SYNE1: variants seen among roughly 807,000 people sequenced by gnomAD.
SYNE1 encodes the protein nesprin-1.
SYNE1 carries 616 observed loss-of-function variants against 1,111.0 expected under a neutral mutation model. The observed-to-expected ratio is 0.55, with a 90% CI of 0.52 to 0.59. SYNE1 has a LOEUF of 0.59. SYNE1 is among the 20% of genes least tolerant of loss of function. The probability of loss-of-function intolerance (pLI) is 0.00; values close to 1 mark genes in which losing one functional copy is unlikely to be tolerated. For missense variants in SYNE1, 10,006 were observed against 10,417.0 expected (o/e 0.96, Z 1.72); for synonymous variants, 3,855 against 3,825.8 (o/e 1.01, Z -0.28).
intron 51 of SYNE1, 91 bp downstream of exon 51, chr6:152,395,425 T>C (rs1288348855): frequency 7.2e-7 from 1 of 1,383,960 alleles, no homozygotes; most frequent in Non-Finnish European, 1.0e-6. Context: ...ACAAACCAAC[T>C]AACTAACCAA....
chr6:152,178,910 CTTTTTTTTTTTT>C (rs750037655), intron 129 of SYNE1, among the ~76,000 whole-genome samples: 2 of 115,566 alleles, frequency 1.7e-5, no homozygotes, highest in South Asian at 2.9e-4. Context: ...TCACCCAATT[CTTTTTTTTTTTT>C]TTTTTTTTTG....
At chr6:152,413,238 T>C in intron 42 of SYNE1, 114 bp downstream of exon 42, 2 of 1,169,198 alleles carry the variant, frequency 1.7e-6, no homozygotes, top group African/African-American at 3.0e-5. Flanking sequence ...ACAGAATATC[T>C]AAAATGGTAA....
At chr6:152,634,696 T>A (rs1355817754) in intron 2 of SYNE1, among the ~76,000 whole-genome samples, 1 of 152,190 alleles carries the variant, frequency 6.6e-6, no homozygotes, top group Non-Finnish European at 1.5e-5. Context: ...AAAGACAAAG[T>A]GTATAGCAGA....
intron 129 of SYNE1, among the ~76,000 whole-genome samples, chr6:152,176,776 T>C (rs1489786242): frequency 6.6e-6 from 1 of 152,082 alleles, no homozygotes; most frequent in Non-Finnish European, 1.5e-5. Flanking sequence ...TATATAGAGG[T>C]TCTCGAAATA....
chr6:152,331,655 C>T lies in SYNE1; in HGVS notation c.13030G>A (p.Glu4344Lys). 6.2e-7 allele frequency: 1 copy of T among 1,614,186 alleles called. No individual in the cohort carries two copies. Among genetic ancestry groups the T allele is most frequent in the Non-Finnish European group, 8.5e-7 (1 of 1,180,042 alleles). The change falls in exon 78 of 146, where the codon GAG becomes AAG. Residue 4344 changes from glutamate (E) to lysine (K), a missense_variant. Coordinates refer to ENST00000367255, the MANE Select transcript of SYNE1 (RefSeq NM_182961.4). The stretch of plus-strand genomic sequence containing the variant: ...CTGGACTGCACCACATTTAACTCCT[C>T]CAAGTTGGTGACTGACACTTGGATT... The part of the protein sequence containing the change: ...RKIQVSVTNL[E>K]ELNVVQSRFQ...
intron 2 of SYNE1, among the ~76,000 whole-genome samples, chr6:152,630,467 A>C (rs2099696185): frequency 6.6e-6 from 1 of 152,210 alleles, no homozygotes; most frequent in Non-Finnish European, 1.5e-5. Context: ...TGTGCCCATT[A>C]GCAGCCTGTA....
chr6:152,588,958 CT>C (rs542555414), intron 3 of SYNE1, among the ~76,000 whole-genome samples: 44 of 149,620 alleles, frequency 2.9e-4, no homozygotes, highest in Admixed American at 2.5e-3. Flanking sequence ...TTCTTTTTCT[CT>C]TTTTTTTTTC....
At chr6:152,192,237 G>A (rs1003663775) in intron 127 of SYNE1, among the ~76,000 whole-genome samples, 5 of 152,242 alleles carry the variant, frequency 3.3e-5, no homozygotes, top group African/African-American at 1.2e-4. Context: ...TTGGATGAAT[G>A]TTCTGTAAAT....
chr6:152,325,188 T>C lies in SYNE1; in HGVS notation c.15553A>G (p.Met5185Val). 3 of 1,614,172 alleles carry C rather than the reference T, an allele frequency of 1.9e-6. No homozygotes were observed. The highest frequency in any genetic ancestry group is 1.1e-5 in the South Asian group (1 of 91,086). ...GTCCAGCGCTGCCAGACGGTGGTCA[T>C]TGACCTGCTCAGGGTGGCTTTGCTG... is the stretch of plus-strand genomic sequence containing the variant. ...DASKATLSRS[M>V]TTVWQRWTRL... Residue 5185 changes from methionine to valine, a missense_variant, in exon 81 of 146, where the codon ATG becomes GTG. Met to Val is a conservative substitution (Grantham distance 21). Transcript: ENST00000367255.
chr6:152,542,967 A>G (rs541953537), intron 3 of SYNE1, among the ~76,000 whole-genome samples: 1 of 152,094 alleles, frequency 6.6e-6, no homozygotes, highest in Non-Finnish European at 1.5e-5. Flanking sequence ...ACAAAATACC[A>G]CTGTTTAAAA....
chr6:152,239,416 C>A, intron 108 of SYNE1, 117 bp downstream of exon 108: 1 of 1,217,300 alleles, frequency 8.2e-7, no homozygotes, highest in Admixed American at 1.8e-5. Context: ...AGCCCGAGAG[C>A]GCAGCTAGTT....
At position 152,590,046 on chromosome 6, in the gene SYNE1, G is replaced by T. The variant is rs541705244; in HGVS notation, c.67+38219C>A. Among the ~76,000 whole-genome samples, 180 of 149,894 alleles carry T rather than the reference G, an allele frequency of 1.2e-3. 1 individual carries two copies. The highest frequency in any genetic ancestry group is 3.5e-3 in the African/African-American group (143 of 40,820). ...AACCCTAGGCTCAAGCAACCCTCTT[G>T]CCTCAGTCTCAGGAGTAGCTGGGAC... On this transcript the variant is annotated intron_variant, in intron 3 of 145. Coordinates refer to ENST00000367255, the MANE Select transcript of SYNE1 (RefSeq NM_182961.4).
chr6:152,466,157 C>T (rs1437911609), intron 16 of SYNE1, 79 bp from the exon 17 acceptor site: 1 of 879,686 alleles, frequency 1.1e-6, no homozygotes, highest in African/African-American at 1.7e-5. Context: ...TTCAGTATAG[C>T]TATAAGCACA....
chr6:152,249,702 T>A (rs2088536543), intron 104 of SYNE1, among the ~76,000 whole-genome samples: 1 of 152,152 alleles, frequency 6.6e-6, no homozygotes, highest in Admixed American at 6.5e-5. Flanking sequence ...CTTCCCTCCC[T>A]CCATCAGTTT....
intron 11 of SYNE1, among the ~76,000 whole-genome samples, chr6:152,491,116 C>G (rs1564418206): frequency 1.3e-5 from 2 of 152,056 alleles, no homozygotes; most frequent in African/African-American, 4.8e-5. Context: ...GGTGTCTGAT[C>G]ACTGTGGGGA....
intron 42 of SYNE1, among the ~76,000 whole-genome samples, chr6:152,410,014 T>C (rs1211842252): frequency 1.3e-5 from 2 of 152,204 alleles, no homozygotes; most frequent in Non-Finnish European, 2.9e-5. Context: ...CAAACTTACA[T>C]AGATGAGTCA....
At chr6:152,135,074 C>T (rs1272111644) in intron 142 of SYNE1, 30 bp downstream of exon 142, 22 of 1,613,762 alleles carry the variant, frequency 1.4e-5, no homozygotes, top group Non-Finnish European at 1.4e-5. Context: ...CTAAAAATAA[C>T]TGGAGGCTGC....
chr6:152,242,504 T>G, intron 106 of SYNE1, 64 bp from the exon 107 acceptor site: 1 of 1,580,430 alleles, frequency 6.3e-7, no homozygotes, highest in Non-Finnish European at 8.7e-7. Context: ...TAAAAGCATA[T>G]GAACTATGAA....
Position 152,416,849 on chromosome 6 carries a change from C to A in SYNE1, c.5588G>T (p.Arg1863Leu). 2 of 1,614,058 alleles carry A rather than the reference C, an allele frequency of 1.2e-6. No individual in the cohort carries two copies. Residue 1863 changes from arginine (R) to leucine (L), a missense_variant, in exon 41 of 146, where the codon CGG becomes CTG. By Grantham distance (102) the Arg-to-Leu change is moderately radical. Coordinates refer to ENST00000367255, the MANE Select transcript of SYNE1 (RefSeq NM_182961.4). ...FEEASQVVER[R>L]QLALSHLAEF... ...TGCCAAATGGGACAGGGCAAGCTGC[C>A]GCCTCTCCACAACCTGGCTGGCCTC... is the stretch of plus-strand genomic sequence containing the variant.
Sources: gnomAD v4.1 joint callset for allele counts (sites outside exome capture counted in the v4.1 genomes callset) on GRCh38, gnomAD v4.1.1 for gene constraint, MANE v1.5 for transcripts, NCBI Gene and HGNC (gene_info 2026-07-23, HGNC 2026-07-21) for gene names.